SLC25A21: variants seen among roughly 807,000 people sequenced by gnomAD.
SLC25A21 encodes mitochondrial 2-oxodicarboxylate carrier.
In SLC25A21, 47 loss-of-function variants were observed where a neutral mutation model predicts 43.8. That is an observed-to-expected ratio of 1.07 (90% CI 0.85 to 1.37). The LOEUF is 1.37. Among genes scored for constraint, SLC25A21 ranks in the 40% most tolerant of loss-of-function variants. SLC25A21 has a pLI of 0.00. For missense variants in SLC25A21, 352 were observed against 350.2 expected (o/e 1.00, Z -0.04); for synonymous variants, 131 against 121.3 (o/e 1.08, Z -0.52).
At chr14:36,843,051 A>G (rs1227341218) in intron 2 of SLC25A21, among the ~76,000 whole-genome samples, 1 of 152,164 alleles carries the variant, frequency 6.6e-6, no homozygotes, top group African/African-American at 2.4e-5. Context: ...TCATGCTCCT[A>G]TGAGAATATA....
intron 1 of SLC25A21, among the ~76,000 whole-genome samples, chr14:37,096,789 T>C (rs185124310): frequency 3.9e-5 from 6 of 152,296 alleles, no homozygotes; most frequent in African/African-American, 7.2e-5. Flanking sequence ...TTGTAGTTGG[T>C]TGACTTTCCT....
rs112297093 is a variant in SLC25A21, at chr14:36,926,292, C to T, written c.71-51288G>A. On this transcript the variant is annotated intron_variant, in intron 1 of 9. Coordinates refer to ENST00000331299, the MANE Select transcript of SLC25A21 (RefSeq NM_030631.4). ...CCAAAGAATAAATCATAGTGGAAATCAGAAAATATTTTTAGCTGGATGACA... is the reference window on the plus strand; with the variant it reads ...CCAAAGAATAAATCATAGTGGAAATTAGAAAATATTTTTAGCTGGATGACA... 2.4e-3 allele frequency among the ~76,000 whole-genome samples: 369 copies of T among 152,090 alleles called. 4 individuals carry two copies. Among genetic ancestry groups the T allele is most frequent in the African/African-American group, 8.3e-3 (345 of 41,482 alleles).
chr14:36,811,157 G>C (rs550336708), intron 3 of SLC25A21, among the ~76,000 whole-genome samples: 1 of 152,068 alleles, frequency 6.6e-6, no homozygotes, highest in African/African-American at 2.4e-5. Context: ...CAAAAGCTCT[G>C]CACACCATGA....
intron 1 of SLC25A21, among the ~76,000 whole-genome samples, chr14:36,896,453 TTCC>T (rs1891241558): frequency 6.6e-6 from 1 of 152,184 alleles, no homozygotes; most frequent in South Asian, 2.1e-4. Context: ...TGAGATGGGT[TTCC>T]TGAATACAGC....
chr14:37,135,234 A>T (rs1052432486), intron 1 of SLC25A21, among the ~76,000 whole-genome samples: 1 of 151,328 alleles, frequency 6.6e-6, no homozygotes, highest in Non-Finnish European at 1.5e-5. Flanking sequence ...GGGCCTCTAC[A>T]AAATATCTTT....
chr14:36,812,037 G>C (rs908342797), intron 3 of SLC25A21, among the ~76,000 whole-genome samples: 1 of 151,740 alleles, frequency 6.6e-6, no homozygotes, highest in African/African-American at 2.4e-5. Flanking sequence ...AATAGTCAAA[G>C]GATTAGTATC....
intron 1 of SLC25A21, among the ~76,000 whole-genome samples, chr14:36,886,674 T>A (rs553961685): frequency 6.6e-6 from 1 of 152,318 alleles, no homozygotes; most frequent in South Asian, 2.1e-4. Flanking sequence ...TAAGTGAGTT[T>A]TTTTTAACTC....
intron 1 of SLC25A21, among the ~76,000 whole-genome samples, chr14:37,043,474 A>G (rs920567192): frequency 6.6e-6 from 1 of 151,728 alleles, no homozygotes; most frequent in Non-Finnish European, 1.5e-5. Flanking sequence ...CCTTACTATC[A>G]CCTCTGGGTT....
chr14:36,899,596 CA>C (rs1237281925), intron 1 of SLC25A21, among the ~76,000 whole-genome samples: 1 of 152,158 alleles, frequency 6.6e-6, no homozygotes, highest in Non-Finnish European at 1.5e-5. Flanking sequence ...TCTTGCCTTG[CA>C]ATGGGTTTGG....
At chr14:37,018,601 A>G (rs979016058) in intron 1 of SLC25A21, among the ~76,000 whole-genome samples, 2 of 151,956 alleles carry the variant, frequency 1.3e-5, no homozygotes, top group Non-Finnish European at 2.9e-5. Flanking sequence ...CTCCATTGTC[A>G]TTACCCTTGT....
At chr14:37,129,231 A>G (rs1373457143) in intron 1 of SLC25A21, among the ~76,000 whole-genome samples, 1 of 152,210 alleles carries the variant, frequency 6.6e-6, no homozygotes, top group Admixed American at 6.5e-5. Flanking sequence ...AATAACAGCT[A>G]TACTCCACAG....
intron 1 of SLC25A21, among the ~76,000 whole-genome samples, chr14:37,088,219 G>T (rs1962521334): frequency 1.3e-5 from 2 of 152,076 alleles, no homozygotes; most frequent in African/African-American, 4.8e-5. Context: ...TGCTTACATT[G>T]TTGGTAATAT....
intron 7 of SLC25A21, among the ~76,000 whole-genome samples, chr14:36,693,702 T>C (rs1040848458): frequency 1.3e-5 from 2 of 152,092 alleles, no homozygotes; most frequent in African/African-American, 2.4e-5. Context: ...GGTGCAATCT[T>C]AGCACACTGT....
At chr14:37,054,595 G>A (rs1566846315) in intron 1 of SLC25A21, among the ~76,000 whole-genome samples, 1 of 152,046 alleles carries the variant, frequency 6.6e-6, no homozygotes, top group Non-Finnish European at 1.5e-5. Flanking sequence ...GCATATGAAG[G>A]GCTCTCAGGA....
At chr14:37,116,888 T>C (rs1304301693) in intron 1 of SLC25A21, among the ~76,000 whole-genome samples, 1 of 152,140 alleles carries the variant, frequency 6.6e-6, no homozygotes, top group African/African-American at 2.4e-5. Context: ...TTAAAATATT[T>C]CTTTTTCTTA....
chr14:36,991,238 T>C (rs1960256489), intron 1 of SLC25A21, among the ~76,000 whole-genome samples: 1 of 152,220 alleles, frequency 6.6e-6, no homozygotes, highest in Non-Finnish European at 1.5e-5. Context: ...TTCAGGTTGC[T>C]GAATAACATT....
chr14:37,126,837 C>G (rs1034845565), intron 1 of SLC25A21, among the ~76,000 whole-genome samples: 1 of 152,152 alleles, frequency 6.6e-6, no homozygotes, highest in African/African-American at 2.4e-5. Flanking sequence ...ACTTAAAACA[C>G]TTAGGTCAAT....
In SLC25A21 at chr14:36,757,090, CAAAAAAA is replaced by C. The variant is rs58430384; in HGVS notation, c.204-22524_204-22518del. On this transcript the variant is annotated intron_variant, in intron 3 of 9. Coordinates refer to ENST00000331299, the MANE Select transcript of SLC25A21 (RefSeq NM_030631.4). ...GCAATATGGCAAAACCCCATCTTTA[CAAAAAAA>C]AAAAAAAAAAATGACCCAGGTGTGG... 4.3e-4 allele frequency among the ~76,000 whole-genome samples: 54 copies of C among 125,796 alleles called. No individual in the cohort carries two copies. The East Asian group carries it at 6.2e-3, about 15-fold the overall frequency. 82.5% of individuals were successfully genotyped at this position (125,796 alleles called of 152,430 possible).
At chr14:36,744,155 C>A (rs746165893) in intron 3 of SLC25A21, among the ~76,000 whole-genome samples, 1 of 152,064 alleles carries the variant, frequency 6.6e-6, no homozygotes, top group Admixed American at 6.6e-5. Flanking sequence ...ATCAAATTAC[C>A]AATATCATTC....
Sources: gnomAD v4.1 joint callset for allele counts (sites outside exome capture counted in the v4.1 genomes callset) on GRCh38, gnomAD v4.1.1 for gene constraint, MANE v1.5 for transcripts, NCBI Gene and HGNC (gene_info 2026-07-23, HGNC 2026-07-21) for gene names.